MAMLD1: variants seen among roughly 807,000 people sequenced by gnomAD.
MAMLD1 encodes mastermind-like domain-containing protein 1.
Under a neutral mutation model 45.0 loss-of-function variants are expected in MAMLD1, and 14 were observed. The observed-to-expected ratio is 0.31, with a 90% CI of 0.21 to 0.49. The LOEUF is 0.49. MAMLD1 is among the 20% of genes least tolerant of loss of function. The pLI, the probability that MAMLD1 is intolerant of heterozygous loss-of-function variation, is 0.99. For missense variants in MAMLD1, 543 were observed against 603.6 expected, an observed-to-expected ratio of 0.90 and a Z score of 1.05; for synonymous variants, 254 against 247.8, an observed-to-expected ratio of 1.02 and a Z score of -0.24.
intron 1 of MAMLD1, among the ~76,000 whole-genome samples, chrX:150,409,072 A>G (rs1557402749): frequency 9.0e-6 from 1 of 111,726 alleles, no homozygotes; most frequent in African/African-American, 3.2e-5. Flanking sequence ...CCAACAGGGA[A>G]GGCATGTCAC....
intron 5 of MAMLD1, among the ~76,000 whole-genome samples, chrX:150,496,803 G>A (rs782552383): frequency 5.4e-4 from 61 of 112,332 alleles, no homozygotes; most frequent in African/African-American, 1.8e-3. Flanking sequence ...GAAGTGGGAA[G>A]TATACTGCAG....
At chrX:150,473,836 G>A (rs1161888283) in intron 5 of MAMLD1, 34 bp downstream of exon 5, 2 of 1,197,327 alleles carry the variant, frequency 1.7e-6, no homozygotes, top group Admixed American at 4.3e-5. Context: ...TCTTCAATTG[G>A]GTACATTTTT....
intron 1 of MAMLD1, among the ~76,000 whole-genome samples, chrX:150,379,851 G>T (rs1401908261): frequency 8.9e-6 from 1 of 112,070 alleles, no homozygotes; most frequent in Non-Finnish European, 1.9e-5. Flanking sequence ...ACTCCATATA[G>T]AGATCTTCTT....
At chrX:150,499,639 T>C (rs2148352462) in intron 5 of MAMLD1, among the ~76,000 whole-genome samples, 1 of 111,350 alleles carries the variant, frequency 9.0e-6, no homozygotes, top group Non-Finnish European at 1.9e-5. Flanking sequence ...AGGGGTTGCT[T>C]GGTTTCTAGC....
intron 5 of MAMLD1, among the ~76,000 whole-genome samples, chrX:150,494,674 G>C (rs1429182443): frequency 9.2e-6 from 1 of 108,647 alleles, no homozygotes; most frequent in African/African-American, 3.4e-5. Flanking sequence ...TGAGCCCAGA[G>C]TTTGAGACCA....
chrX:150,367,613 G>C (rs1473358658), intron 1 of MAMLD1, among the ~76,000 whole-genome samples: 1 of 111,665 alleles, frequency 9.0e-6, no homozygotes, highest in Non-Finnish European at 1.9e-5. Context: ...CAACGTGCAG[G>C]TTTGTTACAT....
At chrX:150,367,814 G>C (rs1480000080) in intron 1 of MAMLD1, among the ~76,000 whole-genome samples, 8 of 110,145 alleles carry the variant, frequency 7.3e-5, no homozygotes, top group Non-Finnish European at 1.3e-4. Flanking sequence ...GCGGTGTTTG[G>C]TTTTTTGTCC....
intron 1 of MAMLD1, among the ~76,000 whole-genome samples, chrX:150,385,185 C>G (rs916548198): frequency 9.1e-5 from 10 of 110,207 alleles, no homozygotes; most frequent in Admixed American, 4.9e-4. Flanking sequence ...TATTATTTGT[C>G]TTCTTTGTCT....
At chrX:150,504,495 TTCTC>T (rs1322331705) in intron 6 of MAMLD1, 1 of 653,245 alleles carries the variant, frequency 1.5e-6, no homozygotes, top group Non-Finnish European at 1.8e-6. Flanking sequence ...GGCTATTGAT[TTCTC>T]TCTCTCTCAG....
At chrX:150,482,961 G>A (rs1434238873) in intron 5 of MAMLD1, among the ~76,000 whole-genome samples, 1 of 112,250 alleles carries the variant, frequency 8.9e-6, no homozygotes, top group Non-Finnish European at 1.9e-5. Flanking sequence ...CTGCAAGTCT[G>A]GAAACACCGG....
chrX:150,431,761 T>TA (rs2034957597), intron 1 of MAMLD1, among the ~76,000 whole-genome samples: 1 of 110,573 alleles, frequency 9.0e-6, no homozygotes, highest in African/African-American at 3.3e-5. Flanking sequence ...TTTTTTTTTT[T>TA]ACAGCTGCAT....
rs16996629 is a variant in MAMLD1 at position 150,501,879 on chromosome X, A to G, written c.2041-1395A>G. 9.6e-3 allele frequency among the ~76,000 whole-genome samples: 1,072 copies of G among 112,200 alleles called. 7 individuals carry two copies. Among genetic ancestry groups the G allele is most frequent in the African/African-American group, 0.032 (992 of 30,866 alleles). On this transcript the variant is annotated intron_variant, in intron 5 of 7. Coordinates refer to ENST00000370401, the MANE Select transcript of MAMLD1 (RefSeq NM_005491.5). The stretch of plus-strand genomic sequence containing the variant: ...ACACCTCCACACCAATGCAAACGAC[A>G]TGTGGGCTTGGGAACGAGGCAAGCC...
chrX:150,460,850 C>A (rs2036014328), intron 2 of MAMLD1, among the ~76,000 whole-genome samples: 1 of 112,200 alleles, frequency 8.9e-6, no homozygotes, highest in African/African-American at 3.2e-5. Flanking sequence ...GTACCAGTAG[C>A]CCCTCTAAAA....
At chrX:150,485,179 G>A (rs923043285) in intron 5 of MAMLD1, among the ~76,000 whole-genome samples, 10 of 111,376 alleles carry the variant, frequency 9.0e-5, no homozygotes, top group Admixed American at 2.9e-4. Flanking sequence ...TGTCCTGCCC[G>A]AGCTCATTGT....
rs1167882848 is a variant in MAMLD1 at position 150,403,940 on chromosome X, AAAAGAAAGAAAGAAAGAAAG to A, written c.-64+40449_-64+40468del. ...AAGAAAGAAAGACAGAGAAAGAAAG[AAAAGAAAGAAAGAAAGAAAG>A]AAAGAAAGAAAGAAAGAAAGAAAGA... is the stretch of plus-strand genomic sequence containing the variant. On this transcript the variant is annotated intron_variant, in intron 1 of 7. Coordinates refer to ENST00000370401, the MANE Select transcript of MAMLD1 (RefSeq NM_005491.5). 4.5e-3 allele frequency among the ~76,000 whole-genome samples: 267 copies of A among 58,854 alleles called. 4 individuals are homozygous for A. The highest frequency in any genetic ancestry group is 0.015 in the African/African-American group (238 of 15,454). The allele number at this position is 58,854 out of a possible 115,157, so 51.1% of individuals were successfully genotyped here. A position where few individuals can be genotyped will look rare whatever the true frequency, so the allele number is the denominator to read the frequency against.
rs2035154073 is a variant in MAMLD1, at chrX:150,437,320, T to C, written c.-63-8134T>C. 3.6e-5 allele frequency among the ~76,000 whole-genome samples: 4 copies of C among 111,971 alleles called. No homozygotes were observed. In the South Asian group the frequency reaches 1.5e-3, roughly 42 times the overall value. On this transcript the variant is annotated intron_variant, in intron 1 of 7. Transcript: ENST00000370401. Reference sequence around the variant, plus strand: ...GTTCACAGTGTCAGCGATGGCAATGTGGCATGGAGGCAGCTACTTCTTCTT... The same window carrying C: ...GTTCACAGTGTCAGCGATGGCAATGCGGCATGGAGGCAGCTACTTCTTCTT...
At chrX:150,484,553 C>T (rs1208667686) in intron 5 of MAMLD1, among the ~76,000 whole-genome samples, 1 of 112,469 alleles carries the variant, frequency 8.9e-6, no homozygotes, top group Non-Finnish European at 1.9e-5. Flanking sequence ...GATCTGGAAT[C>T]ATGTAGATCT....
upstream of MAMLD1, among the ~76,000 whole-genome samples, chrX:150,362,049 G>T (rs1330314314): frequency 8.9e-5 from 10 of 112,576 alleles, no homozygotes; most frequent in Admixed American, 9.3e-4. Flanking sequence ...GGGAAGTGGG[G>T]AGTGGGGCAC....
intron 1 of MAMLD1, among the ~76,000 whole-genome samples, chrX:150,439,407 A>C (rs897365664): frequency 4.5e-5 from 5 of 111,906 alleles, no homozygotes; most frequent in Non-Finnish European, 9.4e-5. Context: ...TGCGAAATTC[A>C]AGGTCATGAA....
Sources: allele counts gnomAD v4.1 joint callset (sites outside exome capture counted in the v4.1 genomes callset), GRCh38; gene constraint gnomAD v4.1.1; transcripts MANE v1.5; gene names NCBI Gene and HGNC (gene_info 2026-07-23, HGNC 2026-07-21).